EPHA6: variants seen among roughly 807,000 people sequenced by gnomAD.
EPHA6 encodes ephrin type-A receptor 6.
EPHA6 carries 50 observed loss-of-function variants against 112.0 expected under a neutral mutation model. That is an observed-to-expected ratio of 0.45 (90% CI 0.36 to 0.56). The LOEUF (loss-of-function observed/expected upper bound fraction) is 0.56, where lower values mean the gene tolerates loss of function less well. Among genes scored for constraint, EPHA6 ranks in the 20% least tolerant of loss-of-function variants. The pLI is 0.00. For missense variants in EPHA6, 1,280 were observed against 1,417.4 expected (o/e 0.90, Z 1.56); for synonymous variants, 529 against 490.7 (o/e 1.08, Z -1.03).
At chr3:97,245,057 A>G (rs927974957) in intron 5 of EPHA6, among the ~76,000 whole-genome samples, 1 of 152,086 alleles carries the variant, frequency 6.6e-6, no homozygotes, top group African/African-American at 2.4e-5. Flanking sequence ...TTATTGCCTT[A>G]TAGTAGAAAG....
chr3:97,256,368 A>G (rs556070052), intron 5 of EPHA6, among the ~76,000 whole-genome samples: 60 of 152,138 alleles, frequency 3.9e-4, no homozygotes, highest in African/African-American at 1.4e-3. Flanking sequence ...GAGTATGGGA[A>G]GAGTTTTCCT....
At chr3:97,135,610 A>C (rs2075747602) in intron 3 of EPHA6, among the ~76,000 whole-genome samples, 1 of 152,070 alleles carries the variant, frequency 6.6e-6, no homozygotes, top group Non-Finnish European at 1.5e-5. Context: ...CCCAGGAATA[A>C]ATGCAGATTC....
At chr3:97,578,820 A>C (rs532753013) in intron 11 of EPHA6, among the ~76,000 whole-genome samples, 2 of 152,214 alleles carry the variant, frequency 1.3e-5, no homozygotes, top group South Asian at 4.1e-4. Context: ...CATTCAACTG[A>C]ATTTTTATAA....
rs993720952 is a variant in EPHA6 at position 97,097,939 on chromosome 3, C to G, written c.1114+109946C>G. Among the ~76,000 whole-genome samples the G allele has an allele frequency of 2.6e-5, 4 of 151,772 alleles. No homozygotes were observed. In the East Asian group the frequency reaches 7.8e-4, roughly 29 times the overall value. On this transcript the variant is annotated intron_variant, in intron 3 of 17. Transcript: ENST00000389672. ...TGATTAACAATGCCACAGTTCTACTCCTGTCAAATTAAAATTTTGCAAAAA... is the reference window on the plus strand; with the variant it reads ...TGATTAACAATGCCACAGTTCTACTGCTGTCAAATTAAAATTTTGCAAAAA...
At position 97,557,541 on chromosome 3, in the gene EPHA6, T is replaced by C. The variant is rs906189392; in HGVS notation, c.2386+24998T>C. Among the ~76,000 whole-genome samples the C allele has an allele frequency of 1.4e-4, 22 of 152,008 alleles. 1 individual carries two copies. Among genetic ancestry groups the C allele is most frequent in the Middle Eastern group, 3.2e-3 (1 of 316 alleles). ...TCTCTTTTATCTTATATGTTCCCGA[T>C]ATATGTCTAAGAATATGTCTTTTTA... is the stretch of plus-strand genomic sequence containing the variant. On this transcript the variant is annotated intron_variant, in intron 11 of 17. Coordinates refer to ENST00000389672, the MANE Select transcript of EPHA6 (RefSeq NM_001080448.3).
At chr3:97,723,189 A>T (rs1234356384) in intron 15 of EPHA6, among the ~76,000 whole-genome samples, 2 of 152,230 alleles carry the variant, frequency 1.3e-5, no homozygotes, top group East Asian at 3.8e-4. Flanking sequence ...ACAGAGCAGA[A>T]GGACAAATGA....
chr3:97,464,681 A>G (rs1009399292), intron 7 of EPHA6, among the ~76,000 whole-genome samples: 1 of 152,050 alleles, frequency 6.6e-6, no homozygotes, highest in African/African-American at 2.4e-5. Flanking sequence ...GAAATTTTTC[A>G]AAGCAGGTGT....
intron 5 of EPHA6, among the ~76,000 whole-genome samples, chr3:97,286,229 C>T (rs564500564): frequency 4.6e-5 from 7 of 152,234 alleles, no homozygotes; most frequent in East Asian, 1.9e-4. Flanking sequence ...TGTGCAGAAG[C>T]TTTTTAGTTT....
chr3:97,532,632 A>C, intron 11 of EPHA6, 89 bp downstream of exon 11: 1 of 1,044,430 alleles, frequency 9.6e-7, no homozygotes, highest in South Asian at 1.7e-5. Context: ...ATAATACCAC[A>C]GTCATTAAAG....
intron 14 of EPHA6, among the ~76,000 whole-genome samples, chr3:97,714,259 T>G (rs1266484532): frequency 6.6e-6 from 1 of 152,258 alleles, no homozygotes; most frequent in Non-Finnish European, 1.5e-5. Context: ...GGGTGCTGGC[T>G]GCTAAGAGGT....
chr3:97,012,699 A>G (rs954416835), intron 3 of EPHA6, among the ~76,000 whole-genome samples: 1 of 149,840 alleles, frequency 6.7e-6, no homozygotes, highest in Admixed American at 6.7e-5. Flanking sequence ...GGCTTAAGCA[A>G]TCTGCCCCCC....
intron 5 of EPHA6, among the ~76,000 whole-genome samples, chr3:97,297,135 C>T (rs1000811376): frequency 2.6e-5 from 4 of 152,138 alleles, no homozygotes; most frequent in African/African-American, 9.7e-5. Context: ...TCTCCTGTCA[C>T]TAGGGTTGTA....
At chr3:97,180,939 T>C (rs556514521) in intron 3 of EPHA6, among the ~76,000 whole-genome samples, 3 of 151,610 alleles carry the variant, frequency 2.0e-5, no homozygotes, top group Admixed American at 2.0e-4. Flanking sequence ...GCACTAGGAC[T>C]CACCTAAGAG....
chr3:97,578,921 G>A (rs553310248), intron 11 of EPHA6, among the ~76,000 whole-genome samples: 2 of 152,226 alleles, frequency 1.3e-5, no homozygotes, highest in Non-Finnish European at 2.9e-5. Context: ...ACACATGAAT[G>A]CTTGCCCTTA....
intron 11 of EPHA6, among the ~76,000 whole-genome samples, chr3:97,537,809 C>T (rs2092784886): frequency 6.6e-6 from 1 of 152,158 alleles, no homozygotes; most frequent in East Asian, 1.9e-4. Flanking sequence ...GAACTCCCAA[C>T]CTCAAGTGAT....
At chr3:97,683,707 C>A (rs1235556094) in intron 14 of EPHA6, among the ~76,000 whole-genome samples, 2 of 152,092 alleles carry the variant, frequency 1.3e-5, no homozygotes, top group African/African-American at 4.8e-5. Flanking sequence ...TGCTCACCAA[C>A]CCCACACAAG....
At chr3:97,421,023 T>A (rs1422297276) in intron 6 of EPHA6, among the ~76,000 whole-genome samples, 3 of 152,074 alleles carry the variant, frequency 2.0e-5, no homozygotes, top group Non-Finnish European at 1.5e-5. Flanking sequence ...TGGGTATTAT[T>A]CTCAGAAATC....
intron 11 of EPHA6, among the ~76,000 whole-genome samples, chr3:97,561,906 T>G (rs1017006063): frequency 6.6e-6 from 1 of 152,142 alleles, no homozygotes; most frequent in Non-Finnish European, 1.5e-5. Context: ...TTGAGAATTA[T>G]GCTAAATCTA....
At chr3:97,058,063 A>G (rs988919813) in intron 3 of EPHA6, among the ~76,000 whole-genome samples, 2 of 152,190 alleles carry the variant, frequency 1.3e-5, no homozygotes, top group African/African-American at 4.8e-5. Context: ...AGTGAAAATA[A>G]TTTATAGTAT....
Sources: gnomAD v4.1 joint callset for allele counts (sites outside exome capture counted in the v4.1 genomes callset) on GRCh38, gnomAD v4.1.1 for gene constraint, MANE v1.5 for transcripts, NCBI Gene and HGNC (gene_info 2026-07-23, HGNC 2026-07-21) for gene names.